The following IL3RA variants were observed in gnomAD, a reference collection of about 807,000 sequenced individuals.
IL3RA encodes the protein interleukin 3 receptor subunit alpha, also known as interleukin-3 receptor subunit alpha.
A neutral mutation model predicts 52.3 loss-of-function variants in IL3RA; 73 were observed. The observed-to-expected ratio is 1.40, with a 90% CI of 1.16 to 1.70. The LOEUF (loss-of-function observed/expected upper bound fraction) is 1.70, where lower values mean the gene tolerates loss of function less well. IL3RA is among the 40% of genes most tolerant of loss of function. The pLI, the probability that IL3RA is intolerant of heterozygous loss-of-function variation, is 0.00. For synonymous variants in IL3RA, 260 were observed against 194.0 expected, an observed-to-expected ratio of 1.34 and a Z score of -2.83; for missense variants, 664 against 504.4, an observed-to-expected ratio of 1.32 and a Z score of -3.03.
At chrX:1,348,677 TCTTTCTTTCTTTC>T in intron 4 of IL3RA, 132 bp downstream of exon 4, 1 of 473,928 alleles carries the variant, frequency 2.1e-6, no homozygotes, top group South Asian at 2.5e-5. Flanking sequence ...TTTCTTTCTT[TCTTTCTTTCTTTC>T]TTTTTCTTTC....
chrX:1,377,301 C>T (rs1389329679), intron 9 of IL3RA, among the ~76,000 whole-genome samples: 16 of 152,036 alleles, frequency 1.1e-4, no homozygotes, highest in Admixed American at 8.5e-4. Context: ...AGTGCAGTGG[C>T]GTGATCTTGG....
intron 3 of IL3RA, among the ~76,000 whole-genome samples, chrX:1,347,541 C>T (rs1247694555): frequency 2.7e-5 from 4 of 150,836 alleles, no homozygotes; most frequent in Non-Finnish European, 4.4e-5. Context: ...ATTGCTTGAA[C>T]CCGAGAGGTG....
chrX:1,338,271 T>C lies in IL3RA; in HGVS notation c.-39+1345T>C, dbSNP rs2085377728. Among the ~76,000 whole-genome samples the C allele has an allele frequency of 2.0e-5, 3 of 149,360 alleles. No homozygotes were observed. The South Asian group carries it at 6.3e-4, about 31-fold the overall frequency. On this transcript the variant is annotated intron_variant, in intron 1 of 11. Coordinates refer to ENST00000331035, the MANE Select transcript of IL3RA (RefSeq NM_002183.4). ...TATAGATGAATGGAAAAATATAATG[T>C]CCATCCACACAGTGGAATATTACAC...
intron 6 of IL3RA, among the ~76,000 whole-genome samples, chrX:1,355,177 G>GAGAGGGAAGAA (rs1174989393): frequency 5.9e-5 from 1 of 17,024 alleles, no homozygotes; most frequent in Non-Finnish European, 1.1e-4. Context: ...GGGGGAGGAG[G>GAGAGGGAAGAA]AAGGAGGGGG....
In IL3RA at chrX:1,344,888, T is replaced by C. The variant is rs191694228; in HGVS notation, c.65-428T>C. On this transcript the variant is annotated intron_variant, in intron 2 of 11. Transcript: ENST00000331035. ...TGCTGTTTTAAGATTGTTGACCTGG[T>C]GCGGTGGCTCATGCCTGTAATCCCA... 8.9e-4 allele frequency among the ~76,000 whole-genome samples: 127 copies of C among 143,442 alleles called. 1 individual carries two copies. Among genetic ancestry groups the C allele is most frequent in the African/African-American group, 3.0e-3 (116 of 38,708 alleles). The allele number at this position is 143,442 out of a possible 152,430, so 94.1% of individuals were successfully genotyped here. A position where few individuals can be genotyped will look rare whatever the true frequency, so the allele number is the denominator to read the frequency against.
chrX:1,356,914 G>A (rs2086777289), intron 7 of IL3RA, among the ~76,000 whole-genome samples: 1 of 151,990 alleles, frequency 6.6e-6, no homozygotes, highest in African/African-American at 2.4e-5. Context: ...AAGCTTCCCA[G>A]ATATTTTTGA....
intron 7 of IL3RA, 66 bp downstream of exon 7, chrX:1,356,402 A>G: frequency 1.1e-6 from 1 of 909,960 alleles, no homozygotes; most frequent in African/African-American, 2.0e-5. Flanking sequence ...GGTAAGTCGC[A>G]CTCTGGGGCC....
At chrX:1,378,546 C>T (rs2088956637) in intron 9 of IL3RA, 113 bp from the exon 10 acceptor site, 1 of 897,510 alleles carries the variant, frequency 1.1e-6, no homozygotes, top group Non-Finnish European at 1.8e-6. Context: ...CCCCTGGACG[C>T]CACCCCATAT....
chrX:1,357,508 T>G (rs1181033430), intron 7 of IL3RA, among the ~76,000 whole-genome samples: 1 of 151,474 alleles, frequency 6.6e-6, no homozygotes, highest in African/African-American at 2.4e-5. Flanking sequence ...TACAGGCACC[T>G]GCCACCATGC....
At chrX:1,337,028 G>A (rs2085348218) in intron 1 of IL3RA, 102 bp downstream of exon 1, 1 of 152,210 alleles carries the variant, frequency 6.6e-6, no homozygotes, top group Admixed American at 6.6e-5. Flanking sequence ...ACGGGGCATT[G>A]GCATGTAACA....
At chrX:1,356,452 G>C in intron 7 of IL3RA, 116 bp downstream of exon 7, 2 of 654,588 alleles carry the variant, frequency 3.1e-6, no homozygotes, top group Non-Finnish European at 5.3e-6. Context: ...CGTCACAGAA[G>C]GCATGGATCA....
chrX:1,348,476 G>C lies in IL3RA; in HGVS notation c.229G>C (p.Glu77Gln). 6.2e-7 allele frequency: 1 copy of C among 1,613,918 alleles called. No individual in the cohort carries two copies. The highest frequency in any genetic ancestry group is 8.5e-7 in the Non-Finnish European group (1 of 1,179,852). The change falls in exon 4 of 12, where the codon GAA (glutamate) becomes CAA (glutamine). Residue 77 changes from glutamate to glutamine, a missense_variant. By Grantham distance (29) the Glu-to-Gln change is conservative. Coordinates refer to ENST00000331035, the MANE Select transcript of IL3RA (RefSeq NM_002183.4). The stretch of plus-strand genomic sequence containing the variant: ...CCAGTTTGGAGCAATTTCCTTATGT[G>C]AAGTGACCAACTACACCGTCCGAGT... Reference protein sequence around the residue: ...YCQFGAISLCEVTNYTVRVAN... With the variant: ...YCQFGAISLCQVTNYTVRVAN...
chrX:1,346,892 G>A (rs1452258769), intron 3 of IL3RA, among the ~76,000 whole-genome samples: 1 of 151,082 alleles, frequency 6.6e-6, no homozygotes, highest in Non-Finnish European at 1.5e-5. Flanking sequence ...GCGTCTGCTC[G>A]GGCCACCATT....
In IL3RA at chrX:1,359,938, CCTGT is replaced by C. The variant is rs750034174; in HGVS notation, c.759+1056_759+1059del. 1.3e-4 allele frequency among the ~76,000 whole-genome samples: 19 copies of C among 147,440 alleles called. No individual in the cohort carries two copies. In the South Asian group the frequency reaches 1.3e-3, roughly 10 times the overall value. On this transcript the variant is annotated intron_variant, in intron 8 of 11. Coordinates refer to ENST00000331035, the MANE Select transcript of IL3RA (RefSeq NM_002183.4). The stretch of plus-strand genomic sequence containing the variant: ...CTCCCTGTGTCTATCTCCCACTGTC[CCTGT>C]CTGTTTCTCCGTGTCTGTCTCTGTA...
chrX:1,353,262 C>CCCA, intron 6 of IL3RA, among the ~76,000 whole-genome samples: 1 of 148,822 alleles, frequency 6.7e-6, no homozygotes, highest in South Asian at 2.1e-4. Flanking sequence ...CATGGGATCC[C>CCCA]TTATCATGGA....
chrX:1,380,898 C>G, intron 10 of IL3RA, 125 bp from the exon 11 acceptor site: 1 of 792,100 alleles, frequency 1.3e-6, no homozygotes, highest in Non-Finnish European at 2.2e-6. Flanking sequence ...AAATAGAGAC[C>G]CCTCGAGTAG....
intron 9 of IL3RA, 22 bp downstream of exon 9, chrX:1,365,274 C>T (rs185400450): frequency 4.9e-6 from 7 of 1,423,696 alleles, no homozygotes; most frequent in Admixed American, 3.7e-5. Context: ...GTGCGGGGTG[C>T]GCGGGGTGAG....
At chrX:1,338,885 C>CA (rs1243587720) in intron 1 of IL3RA, among the ~76,000 whole-genome samples, 1 of 152,122 alleles carries the variant, frequency 6.6e-6, no homozygotes, top group Non-Finnish European at 1.5e-5. Context: ...CTGCAACCTC[C>CA]ACCTCCCGGG....
At position 1,361,729 on chromosome X, in the gene IL3RA, G is replaced by A. The variant is rs764513953; in HGVS notation, c.759+2842G>A. 7.5e-5 allele frequency among the ~76,000 whole-genome samples: 11 copies of A among 146,178 alleles called. 1 individual carries two copies. Among genetic ancestry groups the A allele is most frequent in the African/African-American group, 2.8e-4 (11 of 39,746 alleles). ...GATCGCGCCACTGCACTCCAGCCTGGGTGACAGAGTGAGACTCCGTCTCGA... is the reference window on the plus strand; with the variant it reads ...GATCGCGCCACTGCACTCCAGCCTGAGTGACAGAGTGAGACTCCGTCTCGA... On this transcript the variant is annotated intron_variant, in intron 8 of 11. Transcript: ENST00000331035.
Sources: allele counts gnomAD v4.1 joint callset (sites outside exome capture counted in the v4.1 genomes callset), GRCh38; gene constraint gnomAD v4.1.1; transcripts MANE v1.5; gene names NCBI Gene and HGNC (gene_info 2026-07-23, HGNC 2026-07-21).